ITFG1: variants seen among roughly 807,000 people sequenced by gnomAD.
ITFG1 encodes the protein T-cell immunomodulatory protein.
In ITFG1, 34 loss-of-function variants were observed where a neutral mutation model predicts 81.8. The ratio of observed to expected loss-of-function variants is 0.42; its 90% CI spans 0.32 to 0.55. The LOEUF (loss-of-function observed/expected upper bound fraction) is 0.55, where lower values mean the gene tolerates loss of function less well. Among genes scored for constraint, ITFG1 ranks in the 20% least tolerant of loss-of-function variants. The pLI is 0.17. For missense variants in ITFG1, 672 were observed against 755.4 expected, an observed-to-expected ratio of 0.89 and a Z score of 1.29; for synonymous variants, 285 against 270.6, an observed-to-expected ratio of 1.05 and a Z score of -0.52.
intron 8 of ITFG1, among the ~76,000 whole-genome samples, chr16:47,347,827 G>A (rs770038916): frequency 4.3e-4 from 65 of 152,320 alleles, no homozygotes; most frequent in Non-Finnish European, 7.3e-4. Flanking sequence ...ACATGGCCGG[G>A]TACCCCTCTG....
intron 13 of ITFG1, among the ~76,000 whole-genome samples, chr16:47,228,072 TCTGA>T (rs1174969338): frequency 1.3e-5 from 2 of 152,220 alleles, no homozygotes; most frequent in African/African-American, 2.4e-5. Context: ...ATATTTTCCC[TCTGA>T]CTAAGGTAAG....
chr16:47,315,987 C>A (rs1160204262), intron 8 of ITFG1, among the ~76,000 whole-genome samples: 2 of 151,952 alleles, frequency 1.3e-5, no homozygotes, highest in African/African-American at 4.8e-5. Context: ...GTCCGAGTTT[C>A]GCCATGTTGT....
intron 13 of ITFG1, among the ~76,000 whole-genome samples, chr16:47,237,217 A>G (rs1965887005): frequency 6.6e-6 from 1 of 152,198 alleles, no homozygotes; most frequent in Non-Finnish European, 1.5e-5. Flanking sequence ...AATATTGTCA[A>G]TGTAATGTTT....
intron 2 of ITFG1, among the ~76,000 whole-genome samples, chr16:47,456,621 G>A (rs1259934086): frequency 6.6e-6 from 1 of 151,828 alleles, no homozygotes; most frequent in Non-Finnish European, 1.5e-5. Context: ...GAACCAGGGA[G>A]GTGGAGGTTC....
At chr16:47,156,396 C>T (rs767346288) in intron 17 of ITFG1, among the ~76,000 whole-genome samples, 4 of 152,164 alleles carry the variant, frequency 2.6e-5, no homozygotes, top group Non-Finnish European at 5.9e-5. Flanking sequence ...CAAGATTGCA[C>T]CACTGCACTC....
chr16:47,277,647 A>G (rs576514013), intron 10 of ITFG1, among the ~76,000 whole-genome samples: 1 of 152,346 alleles, frequency 6.6e-6, no homozygotes, highest in South Asian at 2.1e-4. Flanking sequence ...CCATTTCAAC[A>G]TGCAATATAG....
Position 47,224,194 on chromosome 16 carries a change from A to C in ITFG1, c.1375-5248T>G, listed in dbSNP as rs917191501. ...AAACCTGCACATTGTGCACATGTACACTAAAACTTAAAGTATAATAATAAA... is the reference window on the plus strand; with the variant it reads ...AAACCTGCACATTGTGCACATGTACCCTAAAACTTAAAGTATAATAATAAA... On this transcript the variant is annotated intron_variant, in intron 13 of 17. Coordinates refer to ENST00000320640, the MANE Select transcript of ITFG1 (RefSeq NM_030790.5). 3.0e-4 allele frequency among the ~76,000 whole-genome samples: 46 copies of C among 152,186 alleles called. 2 individuals carry two copies.
intron 8 of ITFG1, among the ~76,000 whole-genome samples, chr16:47,326,544 G>C (rs1448948034): frequency 4.6e-5 from 7 of 152,190 alleles, no homozygotes; most frequent in Non-Finnish European, 1.0e-4. Context: ...GTCCCTGTTT[G>C]CAGATGACAT....
At chr16:47,356,369 A>C (rs1039014925) in intron 8 of ITFG1, among the ~76,000 whole-genome samples, 1 of 152,228 alleles carries the variant, frequency 6.6e-6, no homozygotes, top group Non-Finnish European at 1.5e-5. Flanking sequence ...ATTAACAAAA[A>C]TTTGAAAGCT....
At chr16:47,184,727 G>A (rs1965186329) in intron 14 of ITFG1, among the ~76,000 whole-genome samples, 1 of 151,638 alleles carries the variant, frequency 6.6e-6, no homozygotes, top group Non-Finnish European at 1.5e-5. Context: ...CAACTAATGA[G>A]CAAAATAACC....
chr16:47,343,126 G>T (rs1409706280), intron 8 of ITFG1, among the ~76,000 whole-genome samples: 2 of 152,076 alleles, frequency 1.3e-5, no homozygotes, highest in Non-Finnish European at 2.9e-5. Context: ...AAACAATATA[G>T]TATTGGCATA....
At chr16:47,304,402 G>C (rs1473130457) in intron 10 of ITFG1, among the ~76,000 whole-genome samples, 1 of 152,204 alleles carries the variant, frequency 6.6e-6, no homozygotes, top group Non-Finnish European at 1.5e-5. Flanking sequence ...AGAAGTATAA[G>C]TGGCAGCACT....
chr16:47,369,026 C>A (rs993337756), intron 7 of ITFG1, among the ~76,000 whole-genome samples: 6 of 152,080 alleles, frequency 3.9e-5, no homozygotes, highest in African/African-American at 1.4e-4. Flanking sequence ...CTTTGCTTAG[C>A]AGTATAAACA....
chr16:47,183,293 C>T (rs1377590394), intron 14 of ITFG1, among the ~76,000 whole-genome samples: 2 of 152,224 alleles, frequency 1.3e-5, no homozygotes, highest in African/African-American at 4.8e-5. Flanking sequence ...TCCAGGAGGC[C>T]TGCCTGCCTC....
chr16:47,381,730 C>T (rs1968398531), intron 6 of ITFG1, among the ~76,000 whole-genome samples: 1 of 152,172 alleles, frequency 6.6e-6, no homozygotes, highest in African/African-American at 2.4e-5. Flanking sequence ...TTTTCCTCCA[C>T]TTATTCATTA....
intron 10 of ITFG1, among the ~76,000 whole-genome samples, chr16:47,277,810 T>C (rs1966413789): frequency 1.3e-5 from 2 of 152,202 alleles, no homozygotes; most frequent in Non-Finnish European, 2.9e-5. Flanking sequence ...TTTTGAAGAA[T>C]ATGCTACTAA....
At chr16:47,269,805 G>A (rs962204256) in intron 10 of ITFG1, among the ~76,000 whole-genome samples, 1 of 151,878 alleles carries the variant, frequency 6.6e-6, no homozygotes, top group Admixed American at 6.6e-5. Flanking sequence ...AAAATTTATA[G>A]GAAATACAAA....
At chr16:47,253,172 G>A (rs1170683276) in intron 12 of ITFG1, among the ~76,000 whole-genome samples, 4 of 152,066 alleles carry the variant, frequency 2.6e-5, no homozygotes, top group Non-Finnish European at 4.4e-5. Context: ...TTGAAGGCCA[G>A]GGATTCTTAA....
At chr16:47,446,767 A>G (rs889109656) in intron 5 of ITFG1, among the ~76,000 whole-genome samples, 2 of 152,208 alleles carry the variant, frequency 1.3e-5, no homozygotes, top group African/African-American at 4.8e-5. Flanking sequence ...TTCAGAAATT[A>G]TGATTCTGAT....
Sources: allele counts gnomAD v4.1 joint callset (sites outside exome capture counted in the v4.1 genomes callset), GRCh38; gene constraint gnomAD v4.1.1; transcripts MANE v1.5; gene names NCBI Gene and HGNC (gene_info 2026-07-23, HGNC 2026-07-21).